NR5A2: variants seen among roughly 807,000 people sequenced by gnomAD.
The protein encoded by NR5A2 is nuclear receptor subfamily 5 group A member 2.
NR5A2 carries 26 observed loss-of-function variants against 62.7 expected under a neutral mutation model. The observed-to-expected ratio is 0.41, with a 90% CI of 0.30 to 0.58. The LOEUF (loss-of-function observed/expected upper bound fraction) is 0.58. Ranked by LOEUF, NR5A2 falls within the 20% of genes least tolerant of loss-of-function variation. The probability of loss-of-function intolerance (pLI) is 0.22; values close to 1 mark genes in which losing one functional copy is unlikely to be tolerated. For missense variants in NR5A2, 541 were observed against 669.1 expected (o/e 0.81, Z 2.11); for synonymous variants, 246 against 241.7 (o/e 1.02, Z -0.16).
At chr1:200,073,860 G>A (rs1558122167) in intron 5 of NR5A2, among the ~76,000 whole-genome samples, 1 of 152,294 alleles carries the variant, frequency 6.6e-6, no homozygotes, top group East Asian at 1.9e-4. Context: ...TACTAGCCTC[G>A]CACTGCTGGG....
At position 200,027,733 on chromosome 1, in the gene NR5A2, G is replaced by C; in HGVS notation, c.-115G>C. On this transcript the variant is annotated 5_prime_UTR_variant, in exon 1 of 8. Transcript: ENST00000367362. ...TTGCTTTTTCTTAACTTTCACTAAG[G>C]GTTACTGTAGTCTGATGTGTCCTTC... The C allele has an allele frequency of 1.7e-6, 1 of 573,004 alleles. No homozygotes were observed. Among genetic ancestry groups the C allele is most frequent in the Non-Finnish European group, 3.1e-6 (1 of 324,034 alleles). 35.5% of individuals were successfully genotyped at this position (573,004 alleles called of 1,614,324 possible).
chr1:200,163,626 C>T (rs1048939712), intron 7 of NR5A2, among the ~76,000 whole-genome samples: 1 of 151,954 alleles, frequency 6.6e-6, no homozygotes, highest in Non-Finnish European at 1.5e-5. Context: ...AGACTATAGG[C>T]GCAGACCATC....
chr1:200,049,360 C>T (rs987225994), intron 5 of NR5A2, among the ~76,000 whole-genome samples: 2 of 152,072 alleles, frequency 1.3e-5, no homozygotes, highest in African/African-American at 2.4e-5. Context: ...CCTTTGTTTT[C>T]GTAGCAGATT....
chr1:200,104,124 T>C (rs1161031479), intron 5 of NR5A2, among the ~76,000 whole-genome samples: 1 of 152,146 alleles, frequency 6.6e-6, no homozygotes, highest in Non-Finnish European at 1.5e-5. Context: ...TGTTGATAGA[T>C]AGGACTTTGT....
At chr1:200,095,824 T>C (rs1388221897) in intron 5 of NR5A2, among the ~76,000 whole-genome samples, 2 of 152,174 alleles carry the variant, frequency 1.3e-5, no homozygotes, top group African/African-American at 2.4e-5. Context: ...AGTGCTGGGA[T>C]TACAGGTGTG....
chr1:200,047,471 C>G lies in NR5A2; in HGVS notation c.464-701C>G, dbSNP rs1191809662. Among the ~76,000 whole-genome samples the G allele has an allele frequency of 2.0e-5, 3 of 152,094 alleles. No homozygotes were observed. The East Asian group carries it at 5.8e-4, about 29-fold the overall frequency. On this transcript the variant is annotated intron_variant, in intron 4 of 7. Coordinates refer to ENST00000367362, the MANE Select transcript of NR5A2 (RefSeq NM_205860.3). ...TGGGTAACTCAGTTCCACACCCCTG[C>G]AAAAGAAAACCCCAAAGCAGTTTGG...
At chr1:200,092,714 G>C (rs200729692) in intron 5 of NR5A2, among the ~76,000 whole-genome samples, 2 of 142,646 alleles carry the variant, frequency 1.4e-5, no homozygotes, top group South Asian at 4.5e-4. Flanking sequence ...AAAAAAAAAA[G>C]GTTTTAAAAT....
At chr1:200,085,046 C>T (rs1010524697) in intron 5 of NR5A2, among the ~76,000 whole-genome samples, 1 of 152,200 alleles carries the variant, frequency 6.6e-6, no homozygotes, top group Non-Finnish European at 1.5e-5. Context: ...GCTCTACCCT[C>T]AGGAGGCTCC....
At chr1:200,170,666 C>A (rs1297128361) in intron 7 of NR5A2, among the ~76,000 whole-genome samples, 1 of 152,150 alleles carries the variant, frequency 6.6e-6, no homozygotes, top group Non-Finnish European at 1.5e-5. Context: ...TGATTCCAGT[C>A]CAAATGAGAA....
intron 1 of NR5A2, among the ~76,000 whole-genome samples, chr1:200,028,642 T>A (rs534327468): frequency 7.9e-5 from 12 of 152,210 alleles, no homozygotes; most frequent in Non-Finnish European, 1.8e-4. Flanking sequence ...GGGAAGTGAT[T>A]CCCAGTGATC....
chr1:200,041,931 A>C (rs772955490), intron 2 of NR5A2, among the ~76,000 whole-genome samples: 4 of 152,042 alleles, frequency 2.6e-5, no homozygotes, highest in African/African-American at 4.8e-5. Context: ...GGGGAAGGGG[A>C]GGTAGAAAAG....
chr1:200,155,291 AC>A (rs1653324511), intron 7 of NR5A2, among the ~76,000 whole-genome samples: 2 of 152,316 alleles, frequency 1.3e-5, no homozygotes, highest in South Asian at 2.1e-4. Context: ...TCTTTAAAAA[AC>A]CTTTCTGCAT....
intron 4 of NR5A2, among the ~76,000 whole-genome samples, chr1:200,046,250 C>T (rs567624574): frequency 2.6e-5 from 4 of 152,284 alleles, no homozygotes; most frequent in Admixed American, 1.3e-4. Context: ...TGAAAAGCCA[C>T]ACTTGAACTT....
chr1:200,085,781 T>C (rs1664496493), intron 5 of NR5A2, among the ~76,000 whole-genome samples: 1 of 152,190 alleles, frequency 6.6e-6, no homozygotes, highest in Non-Finnish European at 1.5e-5. Context: ...TCGAATGCTG[T>C]TCCTGAACAT....
Position 200,160,660 on chromosome 1 carries a change from TA to T in NR5A2, c.1379-13300del, listed in dbSNP as rs1365928415. 6.6e-5 allele frequency among the ~76,000 whole-genome samples: 10 copies of T among 152,092 alleles called. No homozygotes were observed. In the South Asian group the frequency reaches 2.1e-3, roughly 32 times the overall value. ...AGAACTGTTCCACAGCGCTCTCTTG[TA>T]AATTTTATCATACCTGAGGCAGTTT... On this transcript the variant is annotated intron_variant, in intron 7 of 7. Transcript: ENST00000367362.
chr1:200,038,765 G>A lies in NR5A2; in HGVS notation c.65-893G>A. On this transcript the variant is annotated intron_variant, in intron 1 of 7. Coordinates refer to ENST00000367362, the MANE Select transcript of NR5A2 (RefSeq NM_205860.3). ...CCACGCTCAGACAGAGGTCGCTTCT[G>A]ACTAGCTGTAAGACCCGGCTGCATT... The A allele has an allele frequency of 2.2e-6, 3 of 1,361,638 alleles. No individual in the cohort carries two copies. The South Asian group carries it at 3.4e-5, about 16-fold the overall frequency. 84.3% of individuals were successfully genotyped at this position (1,361,638 alleles called of 1,614,324 possible). A position where few individuals can be genotyped will look rare whatever the true frequency, so the allele number is the denominator to read the frequency against.
At chr1:200,060,028 C>T (rs963009483) in intron 5 of NR5A2, among the ~76,000 whole-genome samples, 2 of 152,170 alleles carry the variant, frequency 1.3e-5, no homozygotes, top group Admixed American at 6.5e-5. Context: ...ACACCTGTGT[C>T]CTCTCCATAC....
chr1:200,139,620 T>C (rs1667364083), intron 7 of NR5A2, among the ~76,000 whole-genome samples: 1 of 152,276 alleles, frequency 6.6e-6, no homozygotes, highest in Non-Finnish European at 1.5e-5. Context: ...GTTCTGGTTC[T>C]AGCTTCTTCA....
chr1:200,111,333 G>C lies in NR5A2; in HGVS notation c.1230+12G>C. 8.2e-7 allele frequency: 1 copy of C among 1,219,990 alleles called. No homozygotes were observed. The highest frequency in any genetic ancestry group is 1.1e-6 in the Non-Finnish European group (1 of 924,494). 75.6% of individuals were successfully genotyped at this position (1,219,990 alleles called of 1,614,324 possible). A position where few individuals can be genotyped will look rare whatever the true frequency, so the allele number is the denominator to read the frequency against. On this transcript the variant is annotated intron_variant, in intron 6 of 7. Coordinates refer to ENST00000367362, the MANE Select transcript of NR5A2 (RefSeq NM_205860.3). ...TTACTGGGCAACAAGTGAGTGTAGA[G>C]ACCAAAAAAAAAAAAAAAGCATCTT... is the stretch of plus-strand genomic sequence containing the variant.
Sources: gnomAD v4.1 joint callset for allele counts (sites outside exome capture counted in the v4.1 genomes callset) on GRCh38, gnomAD v4.1.1 for gene constraint, MANE v1.5 for transcripts, NCBI Gene and HGNC (gene_info 2026-07-23, HGNC 2026-07-21) for gene names.